Variants in SLC4A10 observed in about 807,000 individuals in gnomAD.
SLC4A10 encodes sodium-driven chloride bicarbonate exchanger.
SLC4A10 carries 42 observed loss-of-function variants against 137.7 expected under a neutral mutation model. That is an observed-to-expected ratio of 0.30 (90% CI 0.24 to 0.39). SLC4A10 has a LOEUF of 0.39. Among genes scored for constraint, SLC4A10 ranks in the 10% least tolerant of loss-of-function variants. SLC4A10 has a pLI of 1.00. For missense variants in SLC4A10, 925 were observed against 1,355.0 expected (o/e 0.68, Z 4.98); for synonymous variants, 474 against 464.1 (o/e 1.02, Z -0.27).
chr2:161,629,404 G>A (rs1157388800), intron 1 of SLC4A10, among the ~76,000 whole-genome samples: 1 of 150,860 alleles, frequency 6.6e-6, no homozygotes, highest in East Asian at 1.9e-4. Flanking sequence ...ATATTTTAAT[G>A]GGTCTTATTT....
intron 1 of SLC4A10, among the ~76,000 whole-genome samples, chr2:161,658,849 C>T (rs985119685): frequency 1.7e-4 from 26 of 152,150 alleles, no homozygotes; most frequent in Non-Finnish European, 2.8e-4. Context: ...CCTCAGCCTC[C>T]TAAAGCGCCA....
At chr2:161,659,588 TATC>T (rs2038017108) in intron 1 of SLC4A10, among the ~76,000 whole-genome samples, 1 of 152,064 alleles carries the variant, frequency 6.6e-6, no homozygotes, top group African/African-American at 2.4e-5. Flanking sequence ...TTATGCAACA[TATC>T]AATGGAACAA....
intron 2 of SLC4A10, among the ~76,000 whole-genome samples, chr2:161,788,354 T>C (rs1466291477): frequency 6.6e-6 from 1 of 152,066 alleles, no homozygotes; most frequent in Non-Finnish European, 1.5e-5. Flanking sequence ...TTTTATTTGG[T>C]GGTGCAATTC....
chr2:161,661,606 T>C (rs916653623), intron 1 of SLC4A10, among the ~76,000 whole-genome samples: 2 of 152,378 alleles, frequency 1.3e-5, no homozygotes, highest in East Asian at 1.9e-4. Context: ...AAGTGCTTTA[T>C]GGAATTTTAC....
intron 8 of SLC4A10, among the ~76,000 whole-genome samples, chr2:161,875,873 A>G (rs894532163): frequency 1.3e-5 from 2 of 152,210 alleles, no homozygotes; most frequent in Non-Finnish European, 2.9e-5. Flanking sequence ...AGTTAGTGTC[A>G]AGACACCATT....
At chr2:161,661,310 A>G (rs1383850423) in intron 1 of SLC4A10, among the ~76,000 whole-genome samples, 1 of 152,158 alleles carries the variant, frequency 6.6e-6, no homozygotes, top group Non-Finnish European at 1.5e-5. Context: ...CCCCGTCTCT[A>G]CTAAAAATAC....
At chr2:161,811,326 A>T (rs1311562173) in intron 3 of SLC4A10, among the ~76,000 whole-genome samples, 1 of 151,938 alleles carries the variant, frequency 6.6e-6, no homozygotes, top group African/African-American at 2.4e-5. Context: ...TGTTTCATTT[A>T]TCTTTGTATG....
intron 8 of SLC4A10, among the ~76,000 whole-genome samples, chr2:161,875,624 A>G (rs887071234): frequency 5.9e-5 from 9 of 152,182 alleles, no homozygotes; most frequent in Non-Finnish European, 8.8e-5. Context: ...TGACAGTGGA[A>G]CGTAGGTATT....
chr2:161,765,768 G>A (rs952120293), intron 1 of SLC4A10, among the ~76,000 whole-genome samples: 2 of 152,068 alleles, frequency 1.3e-5, no homozygotes, highest in African/African-American at 4.8e-5. Context: ...TGTGTTTGAT[G>A]TTCAATGAAT....
chr2:161,859,590 T>TTTTC (rs1167428989), intron 5 of SLC4A10, among the ~76,000 whole-genome samples: 4 of 130,976 alleles, frequency 3.1e-5, no homozygotes, highest in Admixed American at 1.6e-4. Flanking sequence ...TTTTCTTTTC[T>TTTTC]TTTCTTTTTT....
chr2:161,714,127 G>T (rs2044594979), intron 1 of SLC4A10, among the ~76,000 whole-genome samples: 1 of 151,900 alleles, frequency 6.6e-6, no homozygotes, highest in South Asian at 2.1e-4. Context: ...ATATAACTGA[G>T]AATGCTCTGT....
At chr2:161,698,046 G>C (rs1486888804) in intron 1 of SLC4A10, among the ~76,000 whole-genome samples, 3 of 152,114 alleles carry the variant, frequency 2.0e-5, no homozygotes, top group Non-Finnish European at 2.9e-5. Context: ...TGGATTCCTA[G>C]GTATTTTATT....
intron 19 of SLC4A10, among the ~76,000 whole-genome samples, chr2:161,951,638 A>G (rs958665189): frequency 6.6e-6 from 1 of 152,150 alleles, no homozygotes; most frequent in African/African-American, 2.4e-5. Context: ...GTTGCCAGCT[A>G]TTTTCACATA....
At chr2:161,856,689 A>G (rs1026261392) in intron 5 of SLC4A10, among the ~76,000 whole-genome samples, 1 of 152,058 alleles carries the variant, frequency 6.6e-6, no homozygotes, top group African/African-American at 2.4e-5. Context: ...CCCAATAAAC[A>G]TTTTTATATT....
intron 1 of SLC4A10, among the ~76,000 whole-genome samples, chr2:161,750,921 T>C (rs916919233): frequency 2.6e-5 from 4 of 151,774 alleles, no homozygotes; most frequent in Non-Finnish European, 4.4e-5. Flanking sequence ...ATATTTATAA[T>C]TGTTATATTT....
intron 1 of SLC4A10, among the ~76,000 whole-genome samples, chr2:161,647,511 A>G (rs2036220564): frequency 6.6e-6 from 1 of 152,086 alleles, no homozygotes; most frequent in Admixed American, 6.5e-5. Context: ...TATATATTAA[A>G]GTATTATAGA....
At position 161,904,977 on chromosome 2, in the gene SLC4A10, A is replaced by G; in HGVS notation, c.1751+68A>G. 2.7e-6 allele frequency: 4 copies of G among 1,504,224 alleles called. No homozygotes were observed. In the South Asian group the frequency reaches 5.2e-5, roughly 19 times the overall value. 93.2% of individuals were successfully genotyped at this position (1,504,224 alleles called of 1,614,324 possible). ...TCTTTACTGTATTTATACTTCTCCC[A>G]ACATCACTTTTGGAGGTCTGTTGAT... On this transcript the variant is annotated intron_variant, in intron 14 of 26. Coordinates refer to ENST00000446997, the MANE Select transcript of SLC4A10 (RefSeq NM_001178015.2).
At chr2:161,753,017 T>C (rs1205706873) in intron 1 of SLC4A10, among the ~76,000 whole-genome samples, 1 of 152,112 alleles carries the variant, frequency 6.6e-6, no homozygotes, top group Non-Finnish European at 1.5e-5. Flanking sequence ...TATAAATATA[T>C]ACAATTATAT....
intron 1 of SLC4A10, among the ~76,000 whole-genome samples, chr2:161,766,955 A>G (rs953935701): frequency 6.6e-6 from 1 of 150,916 alleles, no homozygotes; most frequent in African/African-American, 2.4e-5. Context: ...TCTTTCCACT[A>G]TGTATTTTGC....
Sources: allele counts gnomAD v4.1 joint callset (sites outside exome capture counted in the v4.1 genomes callset), GRCh38; gene constraint gnomAD v4.1.1; transcripts MANE v1.5; gene names NCBI Gene and HGNC (gene_info 2026-07-23, HGNC 2026-07-21).